VPS13D: variants seen among roughly 807,000 people sequenced by gnomAD.
VPS13D encodes the protein vacuolar protein sorting 13 homolog D, also known as intermembrane lipid transfer protein VPS13D.
VPS13D carries 187 observed loss-of-function variants against 461.9 expected under a neutral mutation model. That is an observed-to-expected ratio of 0.40 (90% confidence interval 0.36 to 0.46). VPS13D has a LOEUF of 0.46. Among genes scored for constraint, VPS13D ranks in the 20% least tolerant of loss-of-function variants. VPS13D has a pLI of 0.60. For synonymous variants in VPS13D, 1,951 were observed against 1,986.3 expected (o/e 0.98, Z 0.47); for missense variants, 4,711 against 5,364.9 (o/e 0.88, Z 3.81).
rs189558857 is a variant in VPS13D at position 12,343,571 on chromosome 1, C to T, written c.8885+520C>T. 5.6e-4 allele frequency among the ~76,000 whole-genome samples: 85 copies of T among 151,766 alleles called. 1 individual carries two copies. In the East Asian group the frequency reaches 0.016, roughly 28 times the overall value. On this transcript the variant is annotated intron_variant, in intron 42 of 69. Transcript: ENST00000620676. Reference sequence around the variant, plus strand: ...TTTTATTTTTGTAGAGATGAGGTCTCACTGTGTTGCCCAGGCTGGTCTCAA... The same window carrying T: ...TTTTATTTTTGTAGAGATGAGGTCTTACTGTGTTGCCCAGGCTGGTCTCAA...
At chr1:12,366,930 G>A (rs1235886164) in intron 52 of VPS13D, among the ~76,000 whole-genome samples, 2 of 152,072 alleles carry the variant, frequency 1.3e-5, no homozygotes, top group African/African-American at 2.4e-5. Context: ...CAAAAATAGG[G>A]ACATTTTTCT....
At position 12,265,555 on chromosome 1, in the gene VPS13D, A is replaced by G. The variant is rs767843888; in HGVS notation, c.1595-1326A>G. ...GCTTCGGGAAAAGATTCACCATTCT[A>G]GATGCCATGAAGAACATTTGTAATT... On this transcript the variant is annotated intron_variant, in intron 13 of 69. Coordinates refer to ENST00000620676, the MANE Select transcript of VPS13D (RefSeq NM_015378.4). 2.6e-5 allele frequency among the ~76,000 whole-genome samples: 4 copies of G among 152,240 alleles called. No individual in the cohort carries two copies. The East Asian group carries it at 7.7e-4, about 29-fold the overall frequency.
At position 12,249,213 on chromosome 1, in the gene VPS13D, C is replaced by G; in HGVS notation, c.448-10C>G. 1.3e-6 allele frequency: 2 copies of G among 1,597,936 alleles called. No homozygotes were observed. The highest frequency in any genetic ancestry group is 1.7e-6 in the Non-Finnish European group (2 of 1,170,444). ...GTGCATCAGCTGCTTTTTCTTTTTT[C>G]TCTTTGCAGTTAAAAATTCAAGATG... On this transcript the variant is annotated splice_polypyrimidine_tract_variant and intron_variant, in intron 5 of 69. Coordinates refer to ENST00000620676, the MANE Select transcript of VPS13D (RefSeq NM_015378.4).
At chr1:12,381,293 A>G (rs2101646306) in intron 57 of VPS13D, among the ~76,000 whole-genome samples, 1 of 152,268 alleles carries the variant, frequency 6.6e-6, no homozygotes. Context: ...TTGTGTTGAA[A>G]CCTGTACTAT....
At chr1:12,249,621 C>T in intron 6 of VPS13D, 1 of 234,668 alleles carries the variant, frequency 4.3e-6, no homozygotes, top group South Asian at 7.7e-5. Flanking sequence ...GTGTTATGTA[C>T]ACTCCCTGGG....
chr1:12,504,702 C>T (rs1413788920), intron 68 of VPS13D, among the ~76,000 whole-genome samples: 2 of 152,218 alleles, frequency 1.3e-5, no homozygotes, highest in African/African-American at 2.4e-5. Flanking sequence ...TTCCGGAGGG[C>T]GTCCCAGCTC....
chr1:12,261,266 A>G (rs1022400474), intron 12 of VPS13D, 117 bp downstream of exon 12: 137 of 1,219,304 alleles, frequency 1.1e-4, no homozygotes, highest in Admixed American at 4.5e-4. Context: ...GTTTATGTTC[A>G]TAGAGGCTGA....
At chr1:12,470,319 C>A (rs1444706303) in intron 67 of VPS13D, among the ~76,000 whole-genome samples, 1 of 152,196 alleles carries the variant, frequency 6.6e-6, no homozygotes, top group East Asian at 1.9e-4. Flanking sequence ...GTTCCCTAGA[C>A]TTTACTAATT....
chr1:12,374,183 A>G (rs1644164532), intron 55 of VPS13D, among the ~76,000 whole-genome samples: 2 of 152,266 alleles, frequency 1.3e-5, no homozygotes, highest in South Asian at 4.1e-4. Context: ...AACATTTTAT[A>G]TAACATTTTA....
rs902665779 is a variant in VPS13D, at chr1:12,497,547, A to G, written c.12710A>G (p.Gln4237Arg). ...VRKPRCCTGP[Q>R]GLLPRYSESQ... ...AAACCGCGTTGCTGCACGGGGCCCC[A>G]GGGGCTGCTTCCCCGATATTCTGAG... The change falls in exon 68 of 70, where the codon CAG becomes CGG. Residue 4237 changes from glutamine (Q) to arginine (R), a missense_variant. Physicochemically the swap from Gln to Arg is conservative, Grantham distance 43. This residue lies in a region of VPS13D where 194 missense variants were observed against 220.9 expected (regional missense o/e 0.88). Transcript: ENST00000620676. The G allele has an allele frequency of 2.5e-6, 4 of 1,614,010 alleles. No homozygotes were observed. In the African/African-American group the frequency reaches 4.0e-5, roughly 16 times the overall value.
intron 5 of VPS13D, among the ~76,000 whole-genome samples, chr1:12,249,007 T>C (rs919229573): frequency 3.9e-5 from 6 of 152,184 alleles, no homozygotes; most frequent in Non-Finnish European, 7.3e-5. Flanking sequence ...AAGAGAGTTA[T>C]TATAACTCCC....
At chr1:12,427,732 C>G (rs949787157) in intron 65 of VPS13D, among the ~76,000 whole-genome samples, 11 of 152,148 alleles carry the variant, frequency 7.2e-5, no homozygotes, top group African/African-American at 2.4e-4. Context: ...TGTCCAGGAA[C>G]CAGTTCCCAA....
At chr1:12,293,378 G>A in intron 23 of VPS13D, 146 bp from the exon 24 acceptor site, 2 of 705,610 alleles carry the variant, frequency 2.8e-6, no homozygotes, top group South Asian at 4.5e-5. Flanking sequence ...GTAATTATTA[G>A]AGTTTGCTTT....
chr1:12,372,373 T>C (rs1247983540), intron 54 of VPS13D, among the ~76,000 whole-genome samples: 2 of 151,966 alleles, frequency 1.3e-5, no homozygotes, highest in Admixed American at 1.3e-4. Flanking sequence ...TGGTTTTGTT[T>C]TGTTTTGTTT....
At chr1:12,323,281 G>A (rs536289380) in intron 34 of VPS13D, among the ~76,000 whole-genome samples, 1 of 151,510 alleles carries the variant, frequency 6.6e-6, no homozygotes, top group Non-Finnish European at 1.5e-5. Flanking sequence ...TTGCTATTTT[G>A]CCCAGGCTGG....
chr1:12,452,774 A>G (rs933625734), intron 65 of VPS13D, among the ~76,000 whole-genome samples: 5 of 152,312 alleles, frequency 3.3e-5, no homozygotes, highest in African/African-American at 1.2e-4. Flanking sequence ...CTACTCATCA[A>G]TACAGGTTTG....
chr1:12,249,102 G>T, intron 5 of VPS13D, 121 bp from the exon 6 acceptor site: 1 of 738,770 alleles, frequency 1.4e-6, no homozygotes, highest in Non-Finnish European at 2.1e-6. Flanking sequence ...CTCAAGGGCA[G>T]TTTGACCCCT....
At chr1:12,400,962 G>GCGCACGCACACACA (rs1253464149) in intron 61 of VPS13D, among the ~76,000 whole-genome samples, 3 of 106,218 alleles carry the variant, frequency 2.8e-5, no homozygotes, top group African/African-American at 1.0e-4. Flanking sequence ...CTGCGCGCGC[G>GCGCACGCACACACA]CACACACACA....
intron 65 of VPS13D, among the ~76,000 whole-genome samples, chr1:12,427,590 A>G (rs987784981): frequency 1.3e-5 from 2 of 152,192 alleles, no homozygotes; most frequent in Admixed American, 1.3e-4. Context: ...TAGCATTTAC[A>G]TGGTAAAGTA....
Sources: allele counts gnomAD v4.1 joint callset (sites outside exome capture counted in the v4.1 genomes callset), GRCh38; gene constraint gnomAD v4.1.1; regional missense constraint gnomAD v4.1.1; transcripts MANE v1.5; gene names NCBI Gene and HGNC (gene_info 2026-07-23, HGNC 2026-07-21).